Variants in GPHN observed in about 807,000 individuals in gnomAD.
GPHN encodes gephyrin.
Under a neutral mutation model 95.5 loss-of-function variants are expected in GPHN, and 17 were observed. That is an observed-to-expected ratio of 0.18 (90% CI 0.12 to 0.27). The LOEUF (loss-of-function observed/expected upper bound fraction) is 0.27, where lower values mean the gene tolerates loss of function less well. Ranked by LOEUF, GPHN falls within the 10% of genes least tolerant of loss-of-function variation. The pLI, the probability that GPHN is intolerant of heterozygous loss-of-function variation, is 1.00. For missense variants in GPHN, 660 were observed against 978.1 expected, an observed-to-expected ratio of 0.67 and a Z score of 4.34; for synonymous variants, 320 against 322.5, an observed-to-expected ratio of 0.99 and a Z score of 0.08.
intron 21 of GPHN, among the ~76,000 whole-genome samples, chr14:67,170,264 T>G (rs2082523214): frequency 6.6e-6 from 1 of 152,126 alleles, no homozygotes. Context: ...AACTAGAGTT[T>G]TTTTCATTAA....
the GPHN span, among the ~76,000 whole-genome samples, chr14:67,405,792 T>G: frequency 6.6e-6 from 1 of 152,168 alleles, no homozygotes; most frequent in Admixed American, 6.6e-5. Context: ...AGCTGAGGCC[T>G]CCAGCCAACA....
chr14:67,521,551 C>T, the GPHN span, among the ~76,000 whole-genome samples: 12 of 152,262 alleles, frequency 7.9e-5, no homozygotes, highest in East Asian at 2.3e-3. Context: ...GTCCTGTCCT[C>T]TCTTGTTTTT....
chr14:66,772,071 T>A (rs535879620), intron 2 of GPHN, among the ~76,000 whole-genome samples: 2 of 151,780 alleles, frequency 1.3e-5, no homozygotes, highest in East Asian at 3.9e-4. Flanking sequence ...CTTTTGAAAA[T>A]TCCACTTTTG....
the GPHN span, among the ~76,000 whole-genome samples, chr14:67,675,689 A>G: frequency 6.6e-6 from 1 of 152,178 alleles, no homozygotes; most frequent in Non-Finnish European, 1.5e-5. Context: ...TCTCTGCTCC[A>G]GGGGAATTTA....
At chr14:66,699,284 G>A (rs2068338326) in intron 2 of GPHN, among the ~76,000 whole-genome samples, 1 of 151,724 alleles carries the variant, frequency 6.6e-6, no homozygotes, top group Non-Finnish European at 1.5e-5. Flanking sequence ...ACACCAACAT[G>A]GCACATGTAT....
chr14:67,443,760 T>C, the GPHN span, among the ~76,000 whole-genome samples: 3 of 152,024 alleles, frequency 2.0e-5, no homozygotes, highest in Admixed American at 1.3e-4. Flanking sequence ...CATAGTGAGA[T>C]AACATCTCTA....
chr14:67,565,178 A>C, the GPHN span, among the ~76,000 whole-genome samples: 1 of 152,226 alleles, frequency 6.6e-6, no homozygotes. Flanking sequence ...TCAGGAAACC[A>C]CTGTTCCCCA....
At chr14:66,932,349 C>G (rs1029266841) in intron 8 of GPHN, among the ~76,000 whole-genome samples, 9 of 150,492 alleles carry the variant, frequency 6.0e-5, no homozygotes, top group African/African-American at 2.2e-4. Context: ...GGGTCTTGCC[C>G]AAGGCCTGTG....
At chr14:67,490,090 TGGA>T in the GPHN span, among the ~76,000 whole-genome samples, 3 of 152,090 alleles carry the variant, frequency 2.0e-5, no homozygotes, top group African/African-American at 7.2e-5. Flanking sequence ...ACAGGCAAGG[TGGA>T]GAAGGGCCCA....
the GPHN span, among the ~76,000 whole-genome samples, chr14:67,377,322 A>G: frequency 1.3e-5 from 2 of 152,142 alleles, no homozygotes; most frequent in African/African-American, 4.8e-5. Context: ...AGGTTGGTCC[A>G]CTGCATATTC....
intron 2 of GPHN, among the ~76,000 whole-genome samples, chr14:66,734,640 C>T (rs2153435814): frequency 6.6e-6 from 1 of 152,276 alleles, no homozygotes; most frequent in East Asian, 1.9e-4. Context: ...CACTTAGGTG[C>T]TCAGTAAAAA....
chr14:67,713,931 A>G, the GPHN span, among the ~76,000 whole-genome samples: 1 of 152,188 alleles, frequency 6.6e-6, no homozygotes. Context: ...TAGCCTTTTC[A>G]AAGAGGCAAC....
the GPHN span, among the ~76,000 whole-genome samples, chr14:67,225,753 C>T: frequency 6.6e-6 from 1 of 152,278 alleles, no homozygotes; most frequent in East Asian, 1.9e-4. Context: ...TAGGGTGGCC[C>T]TGGCCTACTG....
the GPHN span, among the ~76,000 whole-genome samples, chr14:67,325,041 A>G: frequency 2.0e-5 from 3 of 151,208 alleles, no homozygotes; most frequent in African/African-American, 4.9e-5. Context: ...AGCAGCTGGG[A>G]CTACAGGTGC....
chr14:66,804,275 A>G (rs1384367977), intron 3 of GPHN, among the ~76,000 whole-genome samples: 1 of 152,204 alleles, frequency 6.6e-6, no homozygotes, highest in African/African-American at 2.4e-5. Context: ...TTTAGCTCTA[A>G]TATTCATAGG....
At chr14:67,484,538 C>T in the GPHN span, among the ~76,000 whole-genome samples, 3 of 152,190 alleles carry the variant, frequency 2.0e-5, no homozygotes, top group African/African-American at 7.2e-5. Context: ...CCTGTAATCA[C>T]ACATCTTAGA....
chr14:67,359,572 G>T, the GPHN span: 1 of 1,455,990 alleles, frequency 6.9e-7, no homozygotes. Flanking sequence ...AGGAAACAAG[G>T]ACCCTCACTG....
At chr14:67,473,394 C>A in the GPHN span, 1 of 1,606,982 alleles carries the variant, frequency 6.2e-7, no homozygotes, top group Non-Finnish European at 8.5e-7. The surrounding 1 kb of genome is among the most constrained non-coding windows in gnomAD (Gnocchi z 6.5). Flanking sequence ...CATGAGAGAT[C>A]CCCAGGCCCC....
the GPHN span, among the ~76,000 whole-genome samples, chr14:67,309,488 G>C: frequency 0.012 from 1,832 of 152,242 alleles, 19 homozygotes; most frequent in Non-Finnish European, 0.018. Context: ...GATGGGACTA[G>C]AGAAACTTGT....
Sources: gnomAD v4.1 joint callset for allele counts (sites outside exome capture counted in the v4.1 genomes callset) on GRCh38, gnomAD v4.1.1 for gene constraint, Gnocchi (gnomAD v3.1) non-coding constraint, MANE v1.5 for transcripts, NCBI Gene and HGNC (gene_info 2026-07-23, HGNC 2026-07-21) for gene names.